The following ANO3 variants were observed in gnomAD, a reference collection of about 807,000 sequenced individuals.
The protein encoded by ANO3 is anoctamin 3.
In ANO3, 99 loss-of-function variants were observed where a neutral mutation model predicts 144.8. The ratio of observed to expected loss-of-function variants is 0.68; its 90% CI spans 0.58 to 0.81. The LOEUF is 0.81. Ranked by LOEUF, ANO3 falls within the 30% of genes least tolerant of loss-of-function variation. The pLI is 0.00. For synonymous variants in ANO3, 414 were observed against 392.6 expected (o/e 1.05, Z -0.64); for missense variants, 905 against 1,202.2 (o/e 0.75, Z 3.66).
intron 1 of ANO3, among the ~76,000 whole-genome samples, chr11:26,400,459 A>G (rs1379704593): frequency 1.3e-5 from 2 of 152,002 alleles, no homozygotes; most frequent in Non-Finnish European, 2.9e-5. Flanking sequence ...AACCATTTTA[A>G]AATAAAAATC....
At chr11:26,640,095 C>G (rs1412490942) in intron 21 of ANO3, among the ~76,000 whole-genome samples, 1 of 152,088 alleles carries the variant, frequency 6.6e-6, no homozygotes, top group African/African-American at 2.4e-5. Flanking sequence ...GATATTAACC[C>G]TGCAATCTGC....
chr11:26,559,576 AG>A (rs1485327157), intron 13 of ANO3, 142 bp from the exon 14 acceptor site: 3 of 620,654 alleles, frequency 4.8e-6, no homozygotes, highest in Non-Finnish European at 8.5e-6. Flanking sequence ...GACCCATGAA[AG>A]GAATTCATAT....
At chr11:26,343,421 T>C (rs139474191) in intron 1 of ANO3, among the ~76,000 whole-genome samples, 8 of 152,222 alleles carry the variant, frequency 5.3e-5, no homozygotes, top group African/African-American at 7.2e-5. Flanking sequence ...GAAATGGGAA[T>C]GCTGGATCAC....
intron 14 of ANO3, among the ~76,000 whole-genome samples, chr11:26,574,210 A>AGAG (rs1277329550): frequency 6.6e-6 from 1 of 152,150 alleles, no homozygotes; most frequent in African/African-American, 2.4e-5. Context: ...TACTGGGAGG[A>AGAG]AGAAAAACCT....
At chr11:26,336,901 C>G (rs1855208373) in intron 1 of ANO3, among the ~76,000 whole-genome samples, 1 of 152,126 alleles carries the variant, frequency 6.6e-6, no homozygotes, top group African/African-American at 2.4e-5. Flanking sequence ...GGAAAAATCA[C>G]TGGGGGAGAT....
Position 26,190,121 on chromosome 11 carries a change from C to A in ANO3, c.154+791C>A, listed in dbSNP as rs140408246. ...GTTTATCCTTCCTTATAAAATAAGG[C>A]GTTGTAATGGGAACGTAAAAGTTAA... On this transcript the variant is annotated intron_variant, in intron 1 of 27. Coordinates refer to the ANO3 transcript ENST00000672621. 2.4e-3 allele frequency among the ~76,000 whole-genome samples: 358 copies of A among 152,214 alleles called. 1 individual carries two copies. Among genetic ancestry groups the A allele is most frequent in the African/African-American group, 8.3e-3 (344 of 41,550 alleles).
At chr11:26,641,769 G>T in intron 21 of ANO3, 127 bp from the exon 22 acceptor site, 4 of 1,054,598 alleles carry the variant, frequency 3.8e-6, no homozygotes, top group Non-Finnish European at 5.1e-6. Context: ...TTTTATAAAA[G>T]GTAAAACCAA....
intron 1 of ANO3, among the ~76,000 whole-genome samples, chr11:26,261,708 T>C (rs1042068028): frequency 2.0e-5 from 3 of 152,198 alleles, no homozygotes; most frequent in African/African-American, 7.2e-5. Context: ...CTTTACTTTG[T>C]CTGAATCTCA....
At chr11:26,214,237 T>C (rs1384165752) in intron 1 of ANO3, among the ~76,000 whole-genome samples, 1 of 151,756 alleles carries the variant, frequency 6.6e-6, no homozygotes, top group East Asian at 2.0e-4. Flanking sequence ...TATGTACTGA[T>C]GAATATAAGT....
chr11:26,228,300 T>C (rs1278937036), intron 1 of ANO3, among the ~76,000 whole-genome samples: 3 of 152,234 alleles, frequency 2.0e-5, no homozygotes. Flanking sequence ...GTTCTACCAG[T>C]ATACATCACA....
chr11:26,332,111 A>T, upstream of ANO3: 1 of 1,480,674 alleles, frequency 6.8e-7, no homozygotes, highest in Non-Finnish European at 8.9e-7. Flanking sequence ...TGACAACGAC[A>T]CCGGCGGGCG....
chr11:26,544,237 A>G (rs1480575073), intron 11 of ANO3, among the ~76,000 whole-genome samples: 1 of 48,734 alleles, frequency 2.1e-5, no homozygotes, highest in Non-Finnish European at 4.5e-5. Flanking sequence ...AAGGTTAAGT[A>G]GTATTTCATT....
intron 1 of ANO3, among the ~76,000 whole-genome samples, chr11:26,407,082 A>ATATATATATATATATATATATG (rs1857308654): frequency 7.1e-6 from 1 of 141,764 alleles, no homozygotes; most frequent in South Asian, 2.2e-4. Context: ...GTGTGTATAT[A>ATATATATATATATATATATATG]TATATATATA....
intron 10 of ANO3, among the ~76,000 whole-genome samples, chr11:26,538,673 G>GT (rs374442195): frequency 9.3e-4 from 142 of 152,194 alleles, no homozygotes; most frequent in African/African-American, 3.3e-3. Flanking sequence ...CATTTGACAG[G>GT]TTTTTTACGT....
chr11:26,393,142 T>C (rs1270915858), intron 1 of ANO3, among the ~76,000 whole-genome samples: 3 of 152,186 alleles, frequency 2.0e-5, no homozygotes, highest in Non-Finnish European at 4.4e-5. Context: ...ACGTGTCCTT[T>C]CAAGATTATT....
rs1195708580 is a variant in ANO3, at chr11:26,297,108, T to G, written c.155-12537T>G. ...GGATTCAATGTTTCAGATTACTTCCTATAATTTAAAAATAGTAATCACTGA... is the reference window on the plus strand; with the variant it reads ...GGATTCAATGTTTCAGATTACTTCCGATAATTTAAAAATAGTAATCACTGA... On this transcript the variant is annotated intron_variant, in intron 1 of 27. Coordinates refer to the ANO3 transcript ENST00000672621. 4.6e-5 allele frequency among the ~76,000 whole-genome samples: 7 copies of G among 152,084 alleles called. No homozygotes were observed. The East Asian group carries it at 1.2e-3, about 25-fold the overall frequency.
At chr11:26,651,027 G>T (rs1431366758) in intron 24 of ANO3, among the ~76,000 whole-genome samples, 1 of 152,090 alleles carries the variant, frequency 6.6e-6, no homozygotes, top group African/African-American at 2.4e-5. Flanking sequence ...GATAACTTTT[G>T]TTTACCACTT....
intron 3 of ANO3, among the ~76,000 whole-genome samples, chr11:26,457,119 A>G (rs1405768500): frequency 6.7e-6 from 1 of 149,196 alleles, no homozygotes; most frequent in African/African-American, 2.5e-5. Flanking sequence ...AGATATACCT[A>G]ATGCTAGATG....
At chr11:26,313,927 T>TA (rs1462254245) in intron 1 of ANO3, among the ~76,000 whole-genome samples, 13 of 149,462 alleles carry the variant, frequency 8.7e-5, no homozygotes, top group African/African-American at 3.3e-4. Flanking sequence ...AAGAAAGAGA[T>TA]AGAGACAGAA....
Sources: allele counts gnomAD v4.1 joint callset (sites outside exome capture counted in the v4.1 genomes callset), GRCh38; gene constraint gnomAD v4.1.1; transcripts MANE v1.5; gene names NCBI Gene and HGNC (gene_info 2026-07-23, HGNC 2026-07-21).